Variants in RAI14 observed in about 807,000 individuals in gnomAD.
The protein encoded by RAI14 is retinoic acid induced 14, also known as ankycorbin.
Under a neutral mutation model 115.4 loss-of-function variants are expected in RAI14, and 45 were observed. The observed-to-expected ratio is 0.39, with a 90% CI of 0.31 to 0.50. The LOEUF (loss-of-function observed/expected upper bound fraction) is 0.50. Ranked by LOEUF, RAI14 falls within the 20% of genes least tolerant of loss-of-function variation. The pLI is 0.85. For synonymous variants in RAI14, 371 were observed against 415.4 expected (o/e 0.89, Z 1.30); for missense variants, 939 against 1,131.2 (o/e 0.83, Z 2.44).
chr5:34,789,581 C>T (rs530960605), intron 3 of RAI14, among the ~76,000 whole-genome samples: 1 of 152,274 alleles, frequency 6.6e-6, no homozygotes, highest in East Asian at 1.9e-4. Flanking sequence ...ACACACATAG[C>T]TTTTGCCCCT....
chr5:34,823,635 T>G lies in RAI14; in HGVS notation c.1793T>G (p.Phe598Cys). Residue 598 changes from phenylalanine (F) to cysteine (C), a missense_variant, in exon 15 of 18, where the codon TTT (phenylalanine) becomes TGT (cysteine). Transcript: ENST00000265109. This position sits in a 1 kb window ranked among gnomAD's most constrained non-coding sequence, Gnocchi z 4.5. ...ENMNKEKAFL[F>C]EKYQEAQEEI... is the part of the protein sequence containing the mutation. The stretch of plus-strand genomic sequence containing the variant: ...ATGAATAAGGAGAAAGCATTTTTGT[T>G]TGAGAAATACCAAGAAGCCCAAGAA... 6.2e-7 allele frequency: 1 copy of G among 1,613,784 alleles called. No individual in the cohort carries two copies. The highest frequency in any genetic ancestry group is 8.5e-7 in the Non-Finnish European group (1 of 1,179,960).
intron 3 of RAI14, among the ~76,000 whole-genome samples, chr5:34,792,266 C>G (rs920525293): frequency 1.9e-4 from 25 of 130,602 alleles, no homozygotes; most frequent in African/African-American, 7.6e-4. Flanking sequence ...CGGAGTCTCT[C>G]TCTGTCGCCC....
chr5:34,720,189 G>A (rs1215063760), intron 2 of RAI14, among the ~76,000 whole-genome samples: 2 of 151,990 alleles, frequency 1.3e-5, no homozygotes, highest in South Asian at 2.1e-4. Context: ...CAAACGATTA[G>A]CTCACAAAGT....
chr5:34,714,814 T>C (rs1007623662), intron 2 of RAI14, among the ~76,000 whole-genome samples: 2 of 152,142 alleles, frequency 1.3e-5, no homozygotes, highest in African/African-American at 2.4e-5. Flanking sequence ...AAGATTAGCA[T>C]TGCAGTAGCC....
In RAI14 at chr5:34,826,322, G is replaced by T. The variant is rs368760621; in HGVS notation, c.2650-8G>T. On this transcript the variant is annotated splice_region_variant and splice_polypyrimidine_tract_variant and intron_variant, in intron 15 of 17. Transcript: ENST00000265109. ...CTGTCTGCTAATACCATTTTCCTTT[G>T]CCCCTAGATAAATGAGATGTCGAAG... 9 of 1,612,076 alleles carry T rather than the reference G, an allele frequency of 5.6e-6. No homozygotes were observed. Among genetic ancestry groups the T allele is most frequent in the Admixed American group, 1.7e-5 (1 of 59,772 alleles).
At chr5:34,724,193 T>G (rs1743164612) in intron 2 of RAI14, among the ~76,000 whole-genome samples, 1 of 152,052 alleles carries the variant, frequency 6.6e-6, no homozygotes, top group South Asian at 2.1e-4. Context: ...ATTTTTGTAT[T>G]TTAGTAGAGT....
chr5:34,757,407 C>T, intron 2 of RAI14, 61 bp from the exon 3 acceptor site: 1 of 1,585,616 alleles, frequency 6.3e-7, no homozygotes, highest in South Asian at 1.1e-5. Context: ...TGCAGCCCTG[C>T]TGGTCAGTGC....
At chr5:34,668,936 A>C (rs1298848400) in intron 1 of RAI14, among the ~76,000 whole-genome samples, 2 of 152,006 alleles carry the variant, frequency 1.3e-5, no homozygotes, top group Non-Finnish European at 2.9e-5. Context: ...GGCTCACTGC[A>C]ACCTCTGCCT....
chr5:34,762,928 CATGTGTGTGTGTGTGTGT>C (rs1334334400), intron 3 of RAI14, among the ~76,000 whole-genome samples: 71 of 98,924 alleles, frequency 7.2e-4, no homozygotes, highest in East Asian at 2.2e-3. Context: ...GGAGTGTGTG[CATGTGTGTGTGTGTGTGT>C]GTGTGTGTGT....
intron 2 of RAI14, among the ~76,000 whole-genome samples, chr5:34,702,668 T>A (rs1465573102): frequency 9.2e-5 from 14 of 152,210 alleles, no homozygotes; most frequent in Admixed American, 7.2e-4. Flanking sequence ...GCCACTGTTA[T>A]AATTTTGGAC....
At chr5:34,711,159 CA>C (rs1741347523) in intron 2 of RAI14, among the ~76,000 whole-genome samples, 1 of 152,222 alleles carries the variant, frequency 6.6e-6, no homozygotes, top group Non-Finnish European at 1.5e-5. Flanking sequence ...GACAACCAAA[CA>C]GGCTTTATGT....
intron 1 of RAI14, among the ~76,000 whole-genome samples, chr5:34,666,208 C>T (rs540245336): frequency 6.6e-6 from 1 of 151,944 alleles, no homozygotes; most frequent in South Asian, 2.1e-4. Flanking sequence ...AGGAGATGTC[C>T]TGCGCCCCAC....
intron 2 of RAI14, among the ~76,000 whole-genome samples, chr5:34,720,593 G>C (rs1171586446): frequency 6.6e-6 from 1 of 151,760 alleles, no homozygotes; most frequent in African/African-American, 2.4e-5. Context: ...TGTATTTTTA[G>C]TAGAGATGGG....
At chr5:34,682,316 C>T (rs948859490) in intron 1 of RAI14, among the ~76,000 whole-genome samples, 183 of 152,090 alleles carry the variant, frequency 1.2e-3, no homozygotes, top group African/African-American at 4.2e-3. Context: ...GGTTGTGCAG[C>T]CATTACAGCA....
intron 2 of RAI14, among the ~76,000 whole-genome samples, chr5:34,726,270 A>G (rs904143373): frequency 4.6e-5 from 7 of 152,174 alleles, no homozygotes; most frequent in Non-Finnish European, 1.0e-4. Context: ...ATTTATAAAG[A>G]AAAGAGGTTT....
At position 34,687,712 on chromosome 5, in the gene RAI14, T is replaced by C. The variant is rs10521016; in HGVS notation, c.36+757T>C. 5.2e-3 allele frequency: 8,030 copies of C among 1,551,582 alleles called. 380 individuals are homozygous for C. In the African/African-American group the frequency reaches 0.097, roughly 19 times the overall value. On this transcript the variant is annotated intron_variant, in intron 2 of 17. Coordinates refer to ENST00000265109, the MANE Select transcript of RAI14 (RefSeq NM_015577.3). ...GAGAAATTAATGGAAGGGAATTAGA[T>C]GGAAGCCAAGGTATGTCACTCTCAA...
intron 2 of RAI14, among the ~76,000 whole-genome samples, chr5:34,699,960 G>A (rs1579953407): frequency 6.6e-6 from 1 of 152,110 alleles, no homozygotes; most frequent in African/African-American, 2.4e-5. Context: ...TACTGGATTA[G>A]CTTTCTGAAA....
intron 5 of RAI14, 142 bp from the exon 6 acceptor site, chr5:34,807,658 C>A: frequency 1.5e-6 from 1 of 677,530 alleles, no homozygotes; most frequent in South Asian, 1.8e-5. Flanking sequence ...AGACTGTAGG[C>A]CCCTGGAACA....
chr5:34,819,363 C>T (rs1254665149), intron 13 of RAI14, among the ~76,000 whole-genome samples: 3 of 152,094 alleles, frequency 2.0e-5, no homozygotes, highest in Non-Finnish European at 4.4e-5. Context: ...AGATGAGGTC[C>T]ATAGGCTTCT....
Sources: allele counts gnomAD v4.1 joint callset (sites outside exome capture counted in the v4.1 genomes callset), GRCh38; gene constraint gnomAD v4.1.1; non-coding constraint Gnocchi (gnomAD v3.1); transcripts MANE v1.5; gene names NCBI Gene and HGNC (gene_info 2026-07-23, HGNC 2026-07-21).